Variants in FLRT2 observed in about 807,000 individuals in gnomAD.
FLRT2 encodes the protein fibronectin leucine rich transmembrane protein 2, also known as leucine-rich repeat transmembrane protein FLRT2.
FLRT2 carries 15 observed loss-of-function variants against 40.0 expected under a neutral mutation model. That is an observed-to-expected ratio of 0.38 (90% CI 0.25 to 0.58). The LOEUF (loss-of-function observed/expected upper bound fraction) is 0.58, where lower values mean the gene tolerates loss of function less well. Ranked by LOEUF, FLRT2 falls within the 20% of genes least tolerant of loss-of-function variation. The pLI is 0.71. For missense variants in FLRT2, 726 were observed against 840.0 expected, an observed-to-expected ratio of 0.86 and a Z score of 1.68; for synonymous variants, 380 against 336.8, an observed-to-expected ratio of 1.13 and a Z score of -1.41.
At chr14:85,581,441 C>A (rs1389254767) in intron 1 of FLRT2, among the ~76,000 whole-genome samples, 1 of 152,134 alleles carries the variant, frequency 6.6e-6, no homozygotes. Flanking sequence ...ACCATTGAGT[C>A]CTAGTTCAAA....
intron 1 of FLRT2, among the ~76,000 whole-genome samples, chr14:85,580,795 A>G (rs1208574219): frequency 6.6e-6 from 1 of 152,152 alleles, no homozygotes; most frequent in African/African-American, 2.4e-5. Context: ...CTGCCTTTTG[A>G]TTTTCTTTTT....
chr14:85,596,888 A>T (rs987675424), intron 1 of FLRT2, among the ~76,000 whole-genome samples: 2 of 152,210 alleles, frequency 1.3e-5, no homozygotes, highest in Non-Finnish European at 2.9e-5. Context: ...CTCAGAAAAC[A>T]AGCAAACATT....
chr14:85,577,972 C>G (rs941975900), intron 1 of FLRT2, among the ~76,000 whole-genome samples: 2 of 151,618 alleles, frequency 1.3e-5, no homozygotes, highest in African/African-American at 4.8e-5. Flanking sequence ...AAATGGCTAT[C>G]ACTGTCTCTG....
At chr14:85,605,537 G>A (rs1406698811) in intron 1 of FLRT2, among the ~76,000 whole-genome samples, 20 of 152,290 alleles carry the variant, frequency 1.3e-4, no homozygotes, top group Middle Eastern at 3.4e-3. Flanking sequence ...TTGGGAGGCC[G>A]AGGCGGACAG....
Position 85,650,135 on chromosome 14 carries a change from A to G in FLRT2, c.*26638A>G, listed in dbSNP as rs1297454362. ...CTCTTTGCTTTGTCAAATACTTACT[A>G]CGTTCATATGTATTGATGTACAGTA... On this transcript the variant is annotated 3_prime_UTR_variant, in exon 2 of 2. Transcript: ENST00000330753. 2.6e-5 allele frequency: 4 copies of G among 151,976 alleles called. No homozygotes were observed. 9.4% of individuals were successfully genotyped at this position (151,976 alleles called of 1,614,324 possible). A position where few individuals can be genotyped will look rare whatever the true frequency, so the allele number is the denominator to read the frequency against.
At chr14:85,605,336 A>G (rs1892557752) in intron 1 of FLRT2, among the ~76,000 whole-genome samples, 1 of 152,208 alleles carries the variant, frequency 6.6e-6, no homozygotes, top group African/African-American at 2.4e-5. Flanking sequence ...TTTTGCCTCA[A>G]AAAGTCATAG....
chr14:85,621,625 T>C lies in FLRT2; in HGVS notation c.111T>C (p.Pro37=). ...AGGTGTCCAAACTCCTGGCCTGCCC[T>C]AGTGTGTGCCGCTGCGACAGGAACT... ...YSQVSKLLAC[P]SVCRCDRNFV... Residue 37 remains proline (P), a synonymous_variant, in exon 2 of 2, where the codon CCT becomes CCC. Transcript: ENST00000330753. The C allele has an allele frequency of 6.2e-7, 1 of 1,614,132 alleles. No individual in the cohort carries two copies. The highest frequency in any genetic ancestry group is 1.1e-5 in the South Asian group (1 of 91,080).
At chr14:85,531,518 C>A (rs759095050) in intron 1 of FLRT2, among the ~76,000 whole-genome samples, 1 of 152,192 alleles carries the variant, frequency 6.6e-6, no homozygotes, top group African/African-American at 2.4e-5. Context: ...GGGAATGAAG[C>A]CATAGGGGAA....
At chr14:85,604,661 T>C (rs1482458750) in intron 1 of FLRT2, among the ~76,000 whole-genome samples, 2 of 150,636 alleles carry the variant, frequency 1.3e-5, no homozygotes. Context: ...ACTGAGAAGA[T>C]TTTTTTTTGT....
intron 1 of FLRT2, among the ~76,000 whole-genome samples, chr14:85,543,966 A>G (rs1345531773): frequency 1.3e-5 from 2 of 151,996 alleles, no homozygotes; most frequent in Non-Finnish European, 2.9e-5. Flanking sequence ...CATTCATTTC[A>G]TCTCTGTGGT....
chr14:85,625,808 T>C lies in FLRT2; in HGVS notation c.*2311T>C, dbSNP rs1345338978. ...ATTCAAATGATGGTACTTTGACTTT[T>C]GAGGGTTTTTATTTCTGTTATTCAC... is the stretch of plus-strand genomic sequence containing the variant. On this transcript the variant is annotated 3_prime_UTR_variant, in exon 2 of 2. Coordinates refer to ENST00000330753, the MANE Select transcript of FLRT2 (RefSeq NM_013231.6). 1 of 167,100 alleles carries C rather than the reference T, an allele frequency of 6.0e-6. No homozygotes were observed. The highest frequency in any genetic ancestry group is 1.5e-5 in the Non-Finnish European group (1 of 68,130). 10.4% of individuals were successfully genotyped at this position (167,100 alleles called of 1,614,324 possible).
chr14:85,592,000 A>G lies in FLRT2; in HGVS notation c.-376-29139A>G, dbSNP rs80117370. Among the ~76,000 whole-genome samples the G allele has an allele frequency of 2.8e-3, 423 of 152,344 alleles. 11 individuals are homozygous for G. In the East Asian group the frequency reaches 0.062, roughly 22 times the overall value. ...TAAACACATAAACAGTCAAGAAATG[A>G]ATAACTCCATGAAGTTGAAATTAAC... On this transcript the variant is annotated intron_variant, in intron 1 of 1. Transcript: ENST00000330753.
intron 1 of FLRT2, among the ~76,000 whole-genome samples, chr14:85,551,480 T>C (rs1017288495): frequency 1.3e-5 from 2 of 152,192 alleles, no homozygotes; most frequent in African/African-American, 4.8e-5. Context: ...ATGTATTGAG[T>C]ATTCACAAAG....
chr14:85,592,314 C>A (rs1441359698), intron 1 of FLRT2, among the ~76,000 whole-genome samples: 1 of 152,122 alleles, frequency 6.6e-6, no homozygotes, highest in Non-Finnish European at 1.5e-5. Context: ...CCTTATCTGG[C>A]AGCAATTGGG....
intron 1 of FLRT2, among the ~76,000 whole-genome samples, chr14:85,557,357 G>A (rs185150300): frequency 7.9e-5 from 12 of 151,654 alleles, no homozygotes; most frequent in Admixed American, 4.6e-4. Context: ...TACCTCTGCC[G>A]CACCTAACCG....
rs562453341 is a variant in FLRT2 at position 85,557,310 on chromosome 14, C to G, written c.-377+26776C>G. ...CAGCTACCTTACTAGTTTGCAAATG[C>G]CTTAAGAGCAAGGTTCATATCATAT... On this transcript the variant is annotated intron_variant, in intron 1 of 1. Coordinates refer to ENST00000330753, the MANE Select transcript of FLRT2 (RefSeq NM_013231.6). Among the ~76,000 whole-genome samples the G allele has an allele frequency of 4.6e-5, 7 of 151,522 alleles. No homozygotes were observed. In the East Asian group the frequency reaches 1.4e-3, roughly 29 times the overall value.
chr14:85,575,770 C>T (rs1242437823), intron 1 of FLRT2, among the ~76,000 whole-genome samples: 1 of 152,202 alleles, frequency 6.6e-6, no homozygotes, highest in Non-Finnish European at 1.5e-5. Flanking sequence ...GGCTTTGTTG[C>T]CCTTCACCCA....
intron 1 of FLRT2, among the ~76,000 whole-genome samples, chr14:85,576,293 G>C (rs2139868282): frequency 6.6e-6 from 1 of 152,258 alleles, no homozygotes; most frequent in East Asian, 1.9e-4. Context: ...TTCGTGGCAA[G>C]AGCTGTGTAT....
intron 1 of FLRT2, among the ~76,000 whole-genome samples, chr14:85,589,883 A>G (rs1158555303): frequency 6.6e-6 from 1 of 151,934 alleles, no homozygotes; most frequent in South Asian, 2.1e-4. Context: ...TCCCCAGCAT[A>G]TGTTCTTGGC....
Sources: gnomAD v4.1 joint callset for allele counts (sites outside exome capture counted in the v4.1 genomes callset) on GRCh38, gnomAD v4.1.1 for gene constraint, MANE v1.5 for transcripts, NCBI Gene and HGNC (gene_info 2026-07-23, HGNC 2026-07-21) for gene names.